The following FAR2 variants were observed in gnomAD, a reference collection of about 807,000 sequenced individuals.
FAR2 encodes fatty acyl-CoA reductase 2, also known as epididymis secretory protein Li 81.
Under a neutral mutation model 56.0 loss-of-function variants are expected in FAR2, and 19 were observed. The ratio of observed to expected loss-of-function variants is 0.34; its 90% CI spans 0.24 to 0.50. The LOEUF (loss-of-function observed/expected upper bound fraction) is 0.50, where lower values mean the gene tolerates loss of function less well. FAR2 is among the 20% of genes least tolerant of loss of function. FAR2 has a pLI of 0.98. For synonymous variants in FAR2, 219 were observed against 218.8 expected, an observed-to-expected ratio of 1.00 and a Z score of -0.01; for missense variants, 508 against 642.2, an observed-to-expected ratio of 0.79 and a Z score of 2.26.
At chr12:29,255,650 GT>G (rs1338918535) in intron 1 of FAR2, among the ~76,000 whole-genome samples, 1 of 151,216 alleles carries the variant, frequency 6.6e-6, no homozygotes, top group Non-Finnish European at 1.5e-5. Flanking sequence ...TTGAGATGGA[GT>G]TTCGTTCTTG....
intron 1 of FAR2, among the ~76,000 whole-genome samples, chr12:29,202,514 G>A (rs796716588): frequency 2.6e-5 from 4 of 152,298 alleles, no homozygotes; most frequent in African/African-American, 9.6e-5. Flanking sequence ...GGCACTAGCA[G>A]TAAGATCTAG....
chr12:29,169,263 C>A (rs1466474297), intron 1 of FAR2, among the ~76,000 whole-genome samples: 2 of 152,134 alleles, frequency 1.3e-5, no homozygotes, highest in Admixed American at 6.5e-5. Flanking sequence ...AGCAGCCCTG[C>A]AGTTGTAGTG....
intron 1 of FAR2, among the ~76,000 whole-genome samples, chr12:29,262,758 A>C (rs185881873): frequency 6.6e-6 from 1 of 152,302 alleles, no homozygotes; most frequent in East Asian, 1.9e-4. Flanking sequence ...AAACAACCAG[A>C]AACTAAATAA....
intron 1 of FAR2, among the ~76,000 whole-genome samples, chr12:29,263,981 C>T (rs1057229114): frequency 6.6e-6 from 1 of 151,852 alleles, no homozygotes; most frequent in Non-Finnish European, 1.5e-5. Flanking sequence ...ACCCTGATAC[C>T]AAAACCAGAT....
At chr12:29,153,315 A>G (rs138496803) in intron 1 of FAR2, among the ~76,000 whole-genome samples, 32 of 152,330 alleles carry the variant, frequency 2.1e-4, no homozygotes, top group Middle Eastern at 6.8e-3. Flanking sequence ...GCTATTGGAA[A>G]GAAGCATAGG....
chr12:29,208,672 G>C (rs368392944), intron 1 of FAR2, among the ~76,000 whole-genome samples: 1 of 152,170 alleles, frequency 6.6e-6, no homozygotes, highest in South Asian at 2.1e-4. Flanking sequence ...ATGCCCACCT[G>C]TTGGCCAGTC....
Position 29,270,418 on chromosome 12 carries a change from C to G in FAR2, c.-32C>G. On this transcript the variant is annotated 5_prime_UTR_variant, in exon 2 of 12. Transcript: ENST00000536681. ...TATTTCTCTTCCTTTTCAGGAACCTCTTTCAGGAGCTATAAAAGAAAGGGA... is the reference window on the plus strand; with the variant it reads ...TATTTCTCTTCCTTTTCAGGAACCTGTTTCAGGAGCTATAAAAGAAAGGGA... 1 of 1,498,292 alleles carries G rather than the reference C, an allele frequency of 6.7e-7. No individual in the cohort carries two copies. 92.8% of individuals were successfully genotyped at this position (1,498,292 alleles called of 1,614,324 possible). A position where few individuals can be genotyped will look rare whatever the true frequency, so the allele number is the denominator to read the frequency against.
chr12:29,267,392 G>T (rs1030578071), intron 1 of FAR2, among the ~76,000 whole-genome samples: 2 of 152,134 alleles, frequency 1.3e-5, no homozygotes, highest in Non-Finnish European at 2.9e-5. Flanking sequence ...CTATTAAGTG[G>T]ATACTTTTGT....
intron 5 of FAR2, among the ~76,000 whole-genome samples, chr12:29,308,303 C>T (rs1490300312): frequency 6.6e-6 from 1 of 151,944 alleles, no homozygotes. Flanking sequence ...TGAATTATAC[C>T]ATCTTCTTGA....
At chr12:29,206,174 G>T (rs548581229) in intron 1 of FAR2, among the ~76,000 whole-genome samples, 60 of 152,296 alleles carry the variant, frequency 3.9e-4, no homozygotes, top group Non-Finnish European at 7.6e-4. Context: ...TCACCCTTGT[G>T]CAGAATTGAA....
intron 1 of FAR2, among the ~76,000 whole-genome samples, chr12:29,200,526 C>T (rs978257580): frequency 6.6e-6 from 1 of 152,170 alleles, no homozygotes; most frequent in African/African-American, 2.4e-5. Context: ...TGCTTGACCC[C>T]AGCCACTGTC....
At chr12:29,171,665 T>C in intron 1 of FAR2, 1 of 146,962 alleles carries the variant, frequency 6.8e-6, no homozygotes, top group Non-Finnish European at 1.5e-5. Context: ...ATGTGGGAAG[T>C]GATGAGGGCC....
intron 1 of FAR2, among the ~76,000 whole-genome samples, chr12:29,152,637 G>A (rs558678754): frequency 4.2e-4 from 64 of 152,330 alleles, no homozygotes; most frequent in Middle Eastern, 3.4e-3. Flanking sequence ...GCAGGGGCAT[G>A]CAGTGTACTT....
At chr12:29,295,263 G>A (rs1165861739) in intron 3 of FAR2, among the ~76,000 whole-genome samples, 12 of 151,970 alleles carry the variant, frequency 7.9e-5, no homozygotes, top group Admixed American at 5.9e-4. Flanking sequence ...TGGTAGAGAC[G>A]GGGTTTCACA....
At position 29,225,318 on chromosome 12, in the gene FAR2, G is replaced by A. The variant is rs916269174; in HGVS notation, c.-38-45094G>A. On this transcript the variant is annotated intron_variant, in intron 1 of 11. Transcript: ENST00000536681. ...TAGACAATTTGTTTAACTTCTTTGA[G>A]CCTCAGTTGTCTTATCTGTAATAAT... Among the ~76,000 whole-genome samples the A allele has an allele frequency of 5.3e-5, 8 of 152,216 alleles. No individual in the cohort carries two copies. The South Asian group carries it at 6.2e-4, about 12-fold the overall frequency.
At chr12:29,237,653 G>C (rs1445107783) in intron 1 of FAR2, among the ~76,000 whole-genome samples, 1 of 152,176 alleles carries the variant, frequency 6.6e-6, no homozygotes, top group East Asian at 1.9e-4. Context: ...TTATCTGACA[G>C]AATGACTGGT....
At chr12:29,223,162 A>G (rs940400405) in intron 1 of FAR2, among the ~76,000 whole-genome samples, 3 of 152,218 alleles carry the variant, frequency 2.0e-5, no homozygotes, top group Admixed American at 1.3e-4. Context: ...GATTACAGAC[A>G]GAGAAACTGA....
intron 4 of FAR2, 31 bp downstream of exon 4, chr12:29,297,231 C>A (rs369219922): frequency 6.0e-5 from 95 of 1,574,024 alleles, no homozygotes; most frequent in East Asian, 1.1e-4. Context: ...GATCAAGGGG[C>A]GGGTAGAATA....
chr12:29,333,938 T>A lies in FAR2; in HGVS notation c.*144T>A, dbSNP rs1408863308. The A allele has an allele frequency of 1.2e-5, 8 of 657,400 alleles. No homozygotes were observed. In the East Asian group the frequency reaches 2.1e-4, roughly 17 times the overall value. 40.7% of individuals were successfully genotyped at this position (657,400 alleles called of 1,614,324 possible). A position where few individuals can be genotyped will look rare whatever the true frequency, so the allele number is the denominator to read the frequency against. On this transcript the variant is annotated 3_prime_UTR_variant, in exon 12 of 12. Transcript: ENST00000536681. ...TATGTATTCGTCCCTATTCCTTAAC[T>A]ATGTATTTTTATTTCAGTGAGAGAA... is the stretch of plus-strand genomic sequence containing the variant.
Sources: allele counts gnomAD v4.1 joint callset (sites outside exome capture counted in the v4.1 genomes callset), GRCh38; gene constraint gnomAD v4.1.1; transcripts MANE v1.5; gene names NCBI Gene and HGNC (gene_info 2026-07-23, HGNC 2026-07-21).